The following COL23A1 variants were observed in gnomAD, a reference collection of about 807,000 sequenced individuals.
COL23A1 encodes collagen alpha-1(XXIII) chain.
A neutral mutation model predicts 99.3 loss-of-function variants in COL23A1; 97 were observed. The ratio of observed to expected loss-of-function variants is 0.98; its 90% CI spans 0.83 to 1.16. The LOEUF is 1.16. Among genes scored for constraint, COL23A1 ranks in the 50% most tolerant of loss-of-function variants. The pLI is 0.00. For synonymous variants in COL23A1, 320 were observed against 308.2 expected, an observed-to-expected ratio of 1.04 and a Z score of -0.40; for missense variants, 762 against 757.4, an observed-to-expected ratio of 1.01 and a Z score of -0.07.
At chr5:178,265,639 C>T in intron 8 of COL23A1, 1 of 983,454 alleles carries the variant, frequency 1.0e-6, no homozygotes, top group Non-Finnish European at 1.2e-6. Context: ...TCCAGACCCC[C>T]ACTCAGCCAG....
chr5:178,348,922 C>G (rs904932733), intron 2 of COL23A1, among the ~76,000 whole-genome samples: 3 of 152,202 alleles, frequency 2.0e-5, no homozygotes, highest in Non-Finnish European at 4.4e-5. Flanking sequence ...CAGCCTCCCC[C>G]ACCCGCGTCA....
intron 12 of COL23A1, among the ~76,000 whole-genome samples, 200 bp from the exon 13 acceptor site, chr5:178,257,767 C>A (rs1765388068): frequency 6.6e-6 from 1 of 152,260 alleles, no homozygotes; most frequent in East Asian, 1.9e-4. Context: ...CCTGTTCCCA[C>A]CAGCCCAGGG....
chr5:178,568,983 T>C (rs768201239), intron 1 of COL23A1, among the ~76,000 whole-genome samples: 4 of 152,172 alleles, frequency 2.6e-5, no homozygotes, highest in Non-Finnish European at 1.5e-5. Flanking sequence ...CACATTTAAT[T>C]TTTTGAGGAT....
intron 2 of COL23A1, among the ~76,000 whole-genome samples, chr5:178,471,249 C>CT (rs70997603): frequency 2.6e-5 from 4 of 151,650 alleles, no homozygotes; most frequent in African/African-American, 9.7e-5. Context: ...TGTTTTCTTT[C>CT]TTTTTTTTTG....
At chr5:178,294,219 G>GCCTCCCCAAATCACTACCGAGCTC (rs1430827359) in intron 3 of COL23A1, among the ~76,000 whole-genome samples, 1 of 147,116 alleles carries the variant, frequency 6.8e-6, no homozygotes, top group Non-Finnish European at 1.5e-5. Context: ...GTGGTGATCT[G>GCCTCCCCAAATCACTACCGAGCTC]CCTCCCCAAA....
intron 2 of COL23A1, among the ~76,000 whole-genome samples, chr5:178,554,471 G>A (rs1439002042): frequency 1.3e-5 from 2 of 152,180 alleles, no homozygotes; most frequent in East Asian, 1.9e-4. Context: ...GTGCCACCAC[G>A]CCCAGCCCTC....
At chr5:178,575,787 TGAG>T (rs1231377844) in intron 1 of COL23A1, among the ~76,000 whole-genome samples, 2 of 151,726 alleles carry the variant, frequency 1.3e-5, no homozygotes, top group African/African-American at 4.8e-5. Flanking sequence ...GTGTTGGGGG[TGAG>T]GAGAAGGGGC....
chr5:178,520,223 T>C (rs887862871), intron 2 of COL23A1, among the ~76,000 whole-genome samples: 1 of 152,190 alleles, frequency 6.6e-6, no homozygotes, highest in African/African-American at 2.4e-5. Flanking sequence ...GAGGGAAGAC[T>C]GGGAAGGAAT....
At chr5:178,288,272 A>T in intron 5 of COL23A1, 52 bp downstream of exon 5, 1 of 1,411,666 alleles carries the variant, frequency 7.1e-7, no homozygotes, top group Non-Finnish European at 1.0e-6. Context: ...GGGAAAGAAT[A>T]TTGGTTTAAG....
chr5:178,355,501 C>T (rs1344991256), intron 2 of COL23A1, among the ~76,000 whole-genome samples: 1 of 152,024 alleles, frequency 6.6e-6, no homozygotes, highest in Non-Finnish European at 1.5e-5. Flanking sequence ...TAAAGAACTA[C>T]CGAAGGCTGA....
intron 27 of COL23A1, 56 bp downstream of exon 27, chr5:178,241,986 C>A: frequency 7.3e-7 from 1 of 1,368,826 alleles, no homozygotes; most frequent in Non-Finnish European, 1.0e-6. Flanking sequence ...AGATGTTGGG[C>A]TGACCCTGGC....
Position 178,528,123 on chromosome 5 carries a change from C to T in COL23A1, c.361+32559G>A, listed in dbSNP as rs185932657. 1.6e-4 allele frequency among the ~76,000 whole-genome samples: 24 copies of T among 152,294 alleles called. 2 individuals are homozygous for T. In the East Asian group the frequency reaches 4.4e-3, roughly 28 times the overall value. ...CCTGGGCACTGGGACTGCCCCAGTC[C>T]CCGCCTCTGGCCTCCTGCCACCTGT... On this transcript the variant is annotated intron_variant, in intron 2 of 28. Transcript: ENST00000390654.
At chr5:178,406,404 C>G (rs1440860473) in intron 2 of COL23A1, among the ~76,000 whole-genome samples, 1 of 151,120 alleles carries the variant, frequency 6.6e-6, no homozygotes, top group African/African-American at 2.4e-5. Context: ...AAATTGATGA[C>G]ATACCAATAA....
At chr5:178,402,458 G>C (rs1327301763) in intron 2 of COL23A1, among the ~76,000 whole-genome samples, 1 of 152,204 alleles carries the variant, frequency 6.6e-6, no homozygotes, top group Non-Finnish European at 1.5e-5. Flanking sequence ...TGGGCACAAA[G>C]AGACAGTTAG....
chr5:178,467,151 G>A (rs581016), intron 2 of COL23A1, among the ~76,000 whole-genome samples: 7,085 of 152,248 alleles, frequency 0.047, 536 homozygotes, highest in African/African-American at 0.15. Context: ...CTTCTTTTAT[G>A]TCCCCTCACT....
intron 1 of COL23A1, among the ~76,000 whole-genome samples, chr5:178,580,099 G>A (rs1158400478): frequency 2.6e-5 from 4 of 152,128 alleles, no homozygotes; most frequent in African/African-American, 7.2e-5. Context: ...AGGCCAAGGC[G>A]GGTGGATCAC....
chr5:178,541,605 C>T (rs1159061687), intron 2 of COL23A1, among the ~76,000 whole-genome samples: 5 of 152,186 alleles, frequency 3.3e-5, no homozygotes, highest in African/African-American at 9.7e-5. Context: ...CTAAACATAA[C>T]ATATGTATAC....
chr5:178,282,378 C>T (rs1345275898), intron 5 of COL23A1, among the ~76,000 whole-genome samples: 1 of 152,174 alleles, frequency 6.6e-6, no homozygotes, highest in Non-Finnish European at 1.5e-5. Context: ...GGGAAGGGAG[C>T]AGCAGGGCTG....
intron 3 of COL23A1, among the ~76,000 whole-genome samples, chr5:178,301,012 T>C (rs1301520159): frequency 8.7e-6 from 1 of 114,798 alleles, no homozygotes; most frequent in Non-Finnish European, 1.8e-5. Flanking sequence ...GCCATTTTTT[T>C]CAAATATTCC....
Sources: allele counts gnomAD v4.1 joint callset (sites outside exome capture counted in the v4.1 genomes callset), GRCh38; gene constraint gnomAD v4.1.1; transcripts MANE v1.5; gene names NCBI Gene and HGNC (gene_info 2026-07-23, HGNC 2026-07-21).